C10orf120: variants seen among roughly 807,000 people sequenced by gnomAD.
The protein encoded by C10orf120 is chromosome 10 open reading frame 120, also known as uncharacterized protein C10orf120.
In C10orf120, 15 loss-of-function variants were observed where a neutral mutation model predicts 10.8. The observed-to-expected ratio is 1.39, with a 90% confidence interval of 0.93 to 2.14. C10orf120 has a LOEUF of 2.14. C10orf120 is among the 30% of genes most tolerant of loss of function. The pLI, the probability that C10orf120 is intolerant of heterozygous loss-of-function variation, is 0.00. For missense variants in C10orf120, 447 were observed against 411.3 expected (o/e 1.09, Z -0.75); for synonymous variants, 141 against 138.9 (o/e 1.02, Z -0.11).
At position 122,697,861 on chromosome 10, in the gene C10orf120, A is replaced by C. The variant is rs1179534178; in HGVS notation, c.880T>G (p.Leu294Val). ...ATAAAATCCTGATTCATTAGCATTA[A>C]GTCACCAGGGAATTCTGATATGCAG... ...LFCISEFPGD[L>V]MLMNQDFISR... Residue 294 changes from leucine (L) to valine (V), a missense_variant, in exon 3 of 3, where the codon TTA (leucine) becomes GTA (valine). Coordinates refer to ENST00000329446, the MANE Select transcript of C10orf120 (RefSeq NM_001010912.4). The C allele has an allele frequency of 1.2e-6, 2 of 1,614,224 alleles. No individual in the cohort carries two copies. The highest frequency in any genetic ancestry group is 1.7e-6 in the Non-Finnish European group (2 of 1,180,032).
In C10orf120 at chr10:122,699,052, T is replaced by G. The variant is rs541413167; in HGVS notation, c.252+285A>C. Among the ~76,000 whole-genome samples the G allele has an allele frequency of 8.7e-4, 117 of 135,176 alleles. 1 individual carries two copies. Among genetic ancestry groups the G allele is most frequent in the East Asian group, 2.7e-3 (12 of 4,384 alleles). The allele number at this position is 135,176 out of a possible 152,430, so 88.7% of individuals were successfully genotyped here. Reference sequence around the variant, plus strand: ...GGGAGGCTGAGGCAGGAGAATGGCGTGAACCCGGGAAGCGGAGCTTGCAGT... The same window carrying G: ...GGGAGGCTGAGGCAGGAGAATGGCGGGAACCCGGGAAGCGGAGCTTGCAGT... On this transcript the variant is annotated intron_variant, in intron 2 of 2. Transcript: ENST00000329446.
chr10:122,698,509 A>G lies in C10orf120; in HGVS notation c.253-21T>C, dbSNP rs117141904. 78 of 1,612,656 alleles carry G rather than the reference A, an allele frequency of 4.8e-5. No homozygotes were observed. In the East Asian group the frequency reaches 1.6e-3, roughly 32 times the overall value. ...AGACGCTGACAATGGAGAAAGGACT[A>G]TTAAAATCTCAAGAGCACAGGGGCA... On this transcript the variant is annotated intron_variant, in intron 2 of 2. Transcript: ENST00000329446.
At position 122,698,091 on chromosome 10, in the gene C10orf120, G is replaced by T. The variant is rs371003889; in HGVS notation, c.650C>A (p.Thr217Asn). The T allele has an allele frequency of 6.2e-6, 10 of 1,613,552 alleles. No individual in the cohort carries two copies. In the African/African-American group the frequency reaches 9.4e-5, roughly 15 times the overall value. The change falls in exon 3 of 3, where the codon ACC becomes AAC. Residue 217 changes from threonine to asparagine, a missense_variant. Thr to Asn is a moderately conservative substitution (Grantham distance 65). Coordinates refer to ENST00000329446, the MANE Select transcript of C10orf120 (RefSeq NM_001010912.4). ...KARRKEDNYD[T>N]HNCDDANQDK... is the part of the protein sequence containing the mutation. Reference sequence around the variant, plus strand: ...TTGGTTGGCATCATCACAATTATGGGTGTCATAGTTGTCTTCCTTTCGTCT... The same window carrying T: ...TTGGTTGGCATCATCACAATTATGGTTGTCATAGTTGTCTTCCTTTCGTCT...
chr10:122,699,569 T>G, intron 1 of C10orf120, 46 bp downstream of exon 1: 1 of 1,551,510 alleles, frequency 6.4e-7, no homozygotes, highest in Non-Finnish European at 8.8e-7. Flanking sequence ...CTTCTCCACT[T>G]GGCCTCTTTC....
In C10orf120 at chr10:122,698,291, G is replaced by A. The variant is rs563017827; in HGVS notation, c.450C>T (p.Pro150=). Residue 150 remains proline, a synonymous_variant, in exon 3 of 3, where the codon CCC becomes CCT. Coordinates refer to ENST00000329446, the MANE Select transcript of C10orf120 (RefSeq NM_001010912.4). ...EKIWTAKVIA[P]LEAFKMPQRE... ...GTTGTGGCATTTTAAATGCCTCCAG[G>A]GGCGCAATCACCTTTGCTGTCCATA... 40 of 1,614,130 alleles carry A rather than the reference G, an allele frequency of 2.5e-5. No individual in the cohort carries two copies. The East Asian group carries it at 6.2e-4, about 25-fold the overall frequency.
rs1845820759 is a variant in C10orf120 at position 122,698,469 on chromosome 10, G to T, written c.272C>A (p.Thr91Asn). ...AGCCAAAAGCCTTCTTGCTGCTATG[G>T]TGTGAATGCCACCTAGACGCTGACA... is the stretch of plus-strand genomic sequence containing the variant. The part of the protein sequence containing the change: ...KEILRLGGIH[T>N]IAARRLLAYK... The change falls in exon 3 of 3, where the codon ACC becomes AAC. Residue 91 changes from threonine to asparagine, a missense_variant. By Grantham distance (65) the Thr-to-Asn change is moderately conservative. Transcript: ENST00000329446. The T allele has an allele frequency of 4.3e-6, 7 of 1,614,112 alleles. No individual in the cohort carries two copies. The highest frequency in any genetic ancestry group is 5.9e-6 in the Non-Finnish European group (7 of 1,180,016).
intron 2 of C10orf120, 93 bp from the exon 3 acceptor site, chr10:122,698,581 T>G (rs1241155765): frequency 4.1e-6 from 5 of 1,210,878 alleles, no homozygotes; most frequent in African/African-American, 1.5e-5. Flanking sequence ...CCCTCCATTG[T>G]GGAAAGTGTT....
Position 122,698,323 on chromosome 10 carries a change from C to A in C10orf120, c.418G>T (p.Glu140Ter), listed in dbSNP as rs1245034452. ...SSPCAICVPL[E>*]KIWTAKVIAP... ...ATCACCTTTGCTGTCCATATTTTTTCTAGGGGTACACAAATAGCACAAGGA... is the reference window on the plus strand; with the variant it reads ...ATCACCTTTGCTGTCCATATTTTTTATAGGGGTACACAAATAGCACAAGGA... Residue 140 changes from glutamate to a stop codon, truncating the protein, a stop_gained, in exon 3 of 3, where the codon GAA (glutamate) becomes TAA (stop). Transcript: ENST00000329446. LOFTEE classifies it low-confidence loss of function (END_TRUNC). The A allele has an allele frequency of 6.2e-7, 1 of 1,614,046 alleles. No individual in the cohort carries two copies. The highest frequency in any genetic ancestry group is 8.5e-7 in the Non-Finnish European group (1 of 1,180,032).
Position 122,698,434 on chromosome 10 carries a change from C to G in C10orf120, c.307G>C (p.Glu103Gln), listed in dbSNP as rs376347112. 3.7e-6 allele frequency: 6 copies of G among 1,614,084 alleles called. No homozygotes were observed. Among genetic ancestry groups the G allele is most frequent in the Admixed American group, 3.3e-5 (2 of 60,010 alleles). Residue 103 changes from glutamate to glutamine, a missense_variant, in exon 3 of 3, where the codon GAG becomes CAG. Coordinates refer to ENST00000329446, the MANE Select transcript of C10orf120 (RefSeq NM_001010912.4). ...AARRLLAYKQ[E>Q]EECRMLKELQ... ...TCCTTGAGCATTCTGCATTCTTCCT[C>G]TTGCTTGTAAGCCAAAAGCCTTCTT...
intron 2 of C10orf120, among the ~76,000 whole-genome samples, chr10:122,699,014 G>A (rs1224063290): frequency 6.7e-6 from 1 of 150,314 alleles, no homozygotes; most frequent in Non-Finnish European, 1.5e-5. Context: ...GGCGCCTGTA[G>A]TCCCAGCTAC....
In C10orf120 at chr10:122,699,606, C is replaced by T. The variant is rs1398874723; in HGVS notation, c.176+9G>A. 1 of 1,597,998 alleles carries T rather than the reference C, an allele frequency of 6.3e-7. No individual in the cohort carries two copies. The highest frequency in any genetic ancestry group is 1.1e-5 in the South Asian group (1 of 87,388). ...GACATGGACAGACTAAAGTGCAAGT[C>T]AGACTCACCGCAACGGTGAAGCAGA... On this transcript the variant is annotated intron_variant, in intron 1 of 2. Coordinates refer to ENST00000329446, the MANE Select transcript of C10orf120 (RefSeq NM_001010912.4).
At position 122,697,729 on chromosome 10, in the gene C10orf120, A is replaced by G. The variant is rs752122065; in HGVS notation, c.*4T>C. ...CCTGGTTACCCTGGGCAACAAATAA[A>G]ACTTTAATAATGATAAGGAGTTGCT... On this transcript the variant is annotated 3_prime_UTR_variant, in exon 3 of 3. Transcript: ENST00000329446. 2 of 1,613,342 alleles carry G rather than the reference A, an allele frequency of 1.2e-6. No individual in the cohort carries two copies. Among genetic ancestry groups the G allele is most frequent in the Non-Finnish European group, 1.7e-6 (2 of 1,179,774 alleles).
intron 2 of C10orf120, 53 bp downstream of exon 2, chr10:122,699,284 A>G: frequency 7.5e-7 from 1 of 1,336,630 alleles, no homozygotes; most frequent in Non-Finnish European, 1.1e-6. Context: ...CCCTCTAGCT[A>G]AACTGGCTGG....
In C10orf120 at chr10:122,697,758, C is replaced by T. The variant is rs1249966179; in HGVS notation, c.983G>A (p.Arg328His). 12 of 1,613,956 alleles carry T rather than the reference C, an allele frequency of 7.4e-6. No individual in the cohort carries two copies. The highest frequency in any genetic ancestry group is 5.5e-5 in the South Asian group (5 of 91,070). Residue 328 changes from arginine to histidine, a missense_variant, in exon 3 of 3, where the codon CGT becomes CAT. Transcript: ENST00000329446. ...TTAATAATGATAAGGAGTTGCTTTA[C>T]GCATGCGCTCTTTCCAGATACTCTC... ...EEESIWKERM[R>H]KATPYHY
At chr10:122,699,475 G>C (rs1038243034) in intron 1 of C10orf120, 63 bp from the exon 2 acceptor site, 1 of 1,489,824 alleles carries the variant, frequency 6.7e-7, no homozygotes, top group Admixed American at 1.7e-5. Flanking sequence ...TTCCCTCCTG[G>C]AGTGGGAAGG....
chr10:122,697,924 C>A lies in C10orf120; in HGVS notation c.817G>T (p.Glu273Ter). 6.2e-7 allele frequency: 1 copy of A among 1,614,126 alleles called. No homozygotes were observed. The highest frequency in any genetic ancestry group is 8.5e-7 in the Non-Finnish European group (1 of 1,180,030). The change falls in exon 3 of 3, where the codon GAA becomes TAA. Residue 273 changes from glutamate (E) to a stop codon, truncating the protein, a stop_gained. Transcript: ENST00000329446. LOFTEE classifies it low-confidence loss of function (END_TRUNC). The stretch of plus-strand genomic sequence containing the variant: ...TTTGTTAGGCCTGCGATGGACCGTT[C>A]CGGTTTCTTTGCGGGGAGGAATGAT... ...RKSFLPAKKP[E>*]RSIAGLTNRN...
At position 122,698,698 on chromosome 10, in the gene C10orf120, A is replaced by G. The variant is rs189808661; in HGVS notation, c.253-210T>C. On this transcript the variant is annotated intron_variant, in intron 2 of 2. Transcript: ENST00000329446. ...CAATGAATTCAGAATAATTTTGTTG[A>G]CTTTACAGGGTCATGGTGAAGCCTC... Among the ~76,000 whole-genome samples, 17 of 152,276 alleles carry G rather than the reference A, an allele frequency of 1.1e-4. No individual in the cohort carries two copies. In the East Asian group the frequency reaches 3.3e-3, roughly 29 times the overall value.
At position 122,698,129 on chromosome 10, in the gene C10orf120, T is replaced by C; in HGVS notation, c.612A>G (p.Ala204=). ...FLSGVGLGPM[A]KNKARRKEDN... is the part of the protein sequence containing the mutation. Reference sequence around the variant, plus strand: ...CTTCCTTTCGTCTGGCCTTATTTTTTGCCATTGGACCCAGGCCCACCCCAG... The same window carrying C: ...CTTCCTTTCGTCTGGCCTTATTTTTCGCCATTGGACCCAGGCCCACCCCAG... Residue 204 remains alanine (A), a synonymous_variant, in exon 3 of 3, where the codon GCA becomes GCG. Coordinates refer to ENST00000329446, the MANE Select transcript of C10orf120 (RefSeq NM_001010912.4). 1 of 1,614,068 alleles carries C rather than the reference T, an allele frequency of 6.2e-7. No homozygotes were observed.
rs1359269306 is a variant in C10orf120, at chr10:122,699,743, C to A, written c.48G>T (p.Arg16Ser). The A allele has an allele frequency of 1.9e-6, 3 of 1,613,966 alleles. No homozygotes were observed. The highest frequency in any genetic ancestry group is 3.3e-4 in the Middle Eastern group (2 of 6,060). Reference protein sequence around the residue: ...KNDCQRIEKQRASDTMVQERK... With the variant: ...KNDCQRIEKQSASDTMVQERK... Reference sequence around the variant, plus strand: ...TTTCTTGCACCATTGTGTCACTAGCCCTCTGTTTTTCAATCCTCTGACAGT... The same window carrying A: ...TTTCTTGCACCATTGTGTCACTAGCACTCTGTTTTTCAATCCTCTGACAGT... Residue 16 changes from arginine (R) to serine (S), a missense_variant, in exon 1 of 3, where the codon AGG becomes AGT. Physicochemically the swap from Arg to Ser is moderately radical, Grantham distance 110. Transcript: ENST00000329446.
Sources: gnomAD v4.1 joint callset for allele counts (sites outside exome capture counted in the v4.1 genomes callset) on GRCh38, gnomAD v4.1.1 for gene constraint, MANE v1.5 for transcripts, NCBI Gene and HGNC (gene_info 2026-07-23, HGNC 2026-07-21) for gene names.